Variants in VWCE observed in about 807,000 individuals in gnomAD.
VWCE encodes the protein von Willebrand factor C and EGF domain-containing protein.
Under a neutral mutation model 102.9 loss-of-function variants are expected in VWCE, and 68 were observed. That is an observed-to-expected ratio of 0.66 (90% CI 0.54 to 0.81). The LOEUF (loss-of-function observed/expected upper bound fraction) is 0.81. VWCE is among the 30% of genes least tolerant of loss of function. VWCE has a pLI of 0.00. For synonymous variants in VWCE, 497 were observed against 515.4 expected, an observed-to-expected ratio of 0.96 and a Z score of 0.48; for missense variants, 1,137 against 1,263.6, an observed-to-expected ratio of 0.90 and a Z score of 1.52.
chr11:61,273,457 A>G, intron 12 of VWCE, 141 bp from the exon 13 acceptor site: 2 of 772,998 alleles, frequency 2.6e-6, no homozygotes, highest in Non-Finnish European at 4.1e-6. Flanking sequence ...CTAAAGTGAA[A>G]CTGACAAAGA....
chr11:61,266,808 TGGCACAC>T (rs968411196), intron 16 of VWCE, among the ~76,000 whole-genome samples: 1 of 152,192 alleles, frequency 6.6e-6, no homozygotes, highest in African/African-American at 2.4e-5. Flanking sequence ...ATGAAGGGCG[TGGCACAC>T]TGCAAGAGCT....
At position 61,259,287 on chromosome 11, in the gene VWCE, C is replaced by G. The variant is rs763223446; in HGVS notation, c.2256G>C (p.Lys752Asn). 8 of 1,591,890 alleles carry G rather than the reference C, an allele frequency of 5.0e-6. No individual in the cohort carries two copies. Among genetic ancestry groups the G allele is most frequent in the African/African-American group, 4.0e-5 (3 of 74,254 alleles). The change falls in exon 20 of 20, where the codon AAG becomes AAC. Residue 752 changes from lysine (K) to asparagine (N), a missense_variant. Physicochemically the swap from Lys to Asn is moderately conservative, Grantham distance 94 (BLOSUM62 0). Transcript: ENST00000335613. ...CATTTCCGTGAGGGGAGAGCCCCTG[C>G]TTTTCTTCCAGAGGAGACAGGGAAT... ...CPDSLSPLEE[K>N]QGLSPHGNVA...
chr11:61,261,846 T>C (rs185354581), intron 19 of VWCE, among the ~76,000 whole-genome samples: 1 of 152,186 alleles, frequency 6.6e-6, no homozygotes, highest in East Asian at 1.9e-4. Context: ...ATTCATATTC[T>C]ACTTCAATAA....
intron 1 of VWCE, among the ~76,000 whole-genome samples, chr11:61,292,498 A>G (rs905746959): frequency 1.3e-5 from 2 of 152,200 alleles, no homozygotes; most frequent in African/African-American, 4.8e-5. Context: ...TAGGTGCTCA[A>G]TAAATGGCTG....
intron 9 of VWCE, among the ~76,000 whole-genome samples, chr11:61,279,064 A>C (rs1001548247): frequency 6.6e-6 from 1 of 151,760 alleles, no homozygotes; most frequent in African/African-American, 2.4e-5. Flanking sequence ...ACAAAAACAA[A>C]AAAAAAAACT....
At chr11:61,291,075 G>A (rs939731186) in intron 3 of VWCE, 148 bp from the exon 4 acceptor site, 12 of 1,346,364 alleles carry the variant, frequency 8.9e-6, no homozygotes, top group East Asian at 2.5e-5. Flanking sequence ...TTTACCAGCT[G>A]TGTGACCCCG....
At position 61,280,952 on chromosome 11, in the gene VWCE, G is replaced by A; in HGVS notation, c.1071C>T (p.Pro357=). ...CCATCACCTCCCCCTGAAGGAGTGA[G>A]GGGGGTCTGAGGTTCCCCAGCAGGG... ...TASLLGNLRP[P]SLLQGEVMGT... Residue 357 remains proline (P), a synonymous_variant, in exon 8 of 20, where the codon CCC becomes CCT. Coordinates refer to ENST00000335613, the MANE Select transcript of VWCE (RefSeq NM_152718.2). 1.3e-6 allele frequency: 2 copies of A among 1,533,164 alleles called. No individual in the cohort carries two copies. The highest frequency in any genetic ancestry group is 8.8e-7 in the Non-Finnish European group (1 of 1,142,330). The allele number at this position is 1,533,164 out of a possible 1,614,324, so 95.0% of individuals were successfully genotyped here.
chr11:61,258,607 G>A lies in VWCE; in HGVS notation c.*68C>T. Reference sequence around the variant, plus strand: ...CCCCACCAGGTTCATCCTTGGAGCTGCCCTGCACACACCCTGGGCCACTGG... The same window carrying A: ...CCCCACCAGGTTCATCCTTGGAGCTACCCTGCACACACCCTGGGCCACTGG... On this transcript the variant is annotated 3_prime_UTR_variant, in exon 20 of 20. Transcript: ENST00000335613. 1 of 1,320,560 alleles carries A rather than the reference G, an allele frequency of 7.6e-7. No individual in the cohort carries two copies. Among genetic ancestry groups the A allele is most frequent in the Non-Finnish European group, 9.7e-7 (1 of 1,028,300 alleles). 81.8% of individuals were successfully genotyped at this position (1,320,560 alleles called of 1,614,324 possible).
intron 12 of VWCE, among the ~76,000 whole-genome samples, chr11:61,274,199 G>T (rs570413295): frequency 6.6e-6 from 1 of 152,220 alleles, no homozygotes; most frequent in African/African-American, 2.4e-5. Flanking sequence ...AGGAGCCCTG[G>T]GCACCCGGCC....
At chr11:61,265,636 C>A (rs1403554771) in intron 16 of VWCE, among the ~76,000 whole-genome samples, 1 of 152,212 alleles carries the variant, frequency 6.6e-6, no homozygotes, top group Non-Finnish European at 1.5e-5. Context: ...CAGACCGTGT[C>A]CCTTGTCACG....
intron 19 of VWCE, 117 bp downstream of exon 19, chr11:61,264,370 T>C: frequency 9.5e-7 from 1 of 1,053,620 alleles, no homozygotes; most frequent in Non-Finnish European, 1.4e-6. Flanking sequence ...CGAGCCGTGT[T>C]CCCTCTCTGA....
At chr11:61,288,155 CA>C (rs397978316) in intron 4 of VWCE, among the ~76,000 whole-genome samples, 1,109 of 37,232 alleles carry the variant, frequency 0.03, 5 homozygotes, top group Middle Eastern at 0.11. Context: ...GACTCTGTCT[CA>C]AAAAAAAAAA....
At chr11:61,268,173 C>CT (rs1173355885) in intron 15 of VWCE, among the ~76,000 whole-genome samples, 1 of 151,646 alleles carries the variant, frequency 6.6e-6, no homozygotes, top group Non-Finnish European at 1.5e-5. Flanking sequence ...CAAAAAGAGA[C>CT]TAGAAGGACA....
chr11:61,259,452 T>G, intron 19 of VWCE, 140 bp from the exon 20 acceptor site: 1 of 1,109,856 alleles, frequency 9.0e-7, no homozygotes, highest in Non-Finnish European at 1.2e-6. Context: ...AGCCAGCTCC[T>G]GCCTCCAGGA....
In VWCE at chr11:61,291,360, G is replaced by A. The variant is rs761538761; in HGVS notation, c.206-7C>T. The A allele has an allele frequency of 1.4e-5, 22 of 1,611,552 alleles. No individual in the cohort carries two copies. In the South Asian group the frequency reaches 1.8e-4, roughly 13 times the overall value. ...CAGCCGAAGGAGCAGAGGGCTGAGAGGAGAAGTGCAGGTGAGACACGAGGA... is the reference window on the plus strand; with the variant it reads ...CAGCCGAAGGAGCAGAGGGCTGAGAAGAGAAGTGCAGGTGAGACACGAGGA... On this transcript the variant is annotated splice_region_variant and splice_polypyrimidine_tract_variant and intron_variant, in intron 2 of 19. Coordinates refer to ENST00000335613, the MANE Select transcript of VWCE (RefSeq NM_152718.2).
intron 12 of VWCE, 102 bp from the exon 13 acceptor site, chr11:61,273,418 T>C: frequency 9.1e-7 from 1 of 1,095,264 alleles, no homozygotes; most frequent in Admixed American, 2.6e-5. Context: ...CCCTCCCGGC[T>C]ACTCAAGTGA....
intron 15 of VWCE, among the ~76,000 whole-genome samples, chr11:61,268,129 A>G (rs1256795483): frequency 6.6e-6 from 1 of 150,776 alleles, no homozygotes; most frequent in Non-Finnish European, 1.5e-5. Flanking sequence ...TATTATATAT[A>G]TAATGTACAT....
At chr11:61,290,507 G>A (rs1384545162) in intron 4 of VWCE, among the ~76,000 whole-genome samples, 1 of 124,046 alleles carries the variant, frequency 8.1e-6, no homozygotes, top group Non-Finnish European at 1.6e-5. Flanking sequence ...GTGAAACTTC[G>A]TCTCAAAAAA....
At chr11:61,271,001 A>G (rs1428647943) in intron 14 of VWCE, among the ~76,000 whole-genome samples, 2 of 150,566 alleles carry the variant, frequency 1.3e-5, no homozygotes, top group African/African-American at 4.9e-5. Flanking sequence ...ATGTCACTAC[A>G]TGCAGCTAAT....
Sources: allele counts gnomAD v4.1 joint callset (sites outside exome capture counted in the v4.1 genomes callset), GRCh38; gene constraint gnomAD v4.1.1; transcripts MANE v1.5; gene names NCBI Gene and HGNC (gene_info 2026-07-23, HGNC 2026-07-21).